The following SLC24A2 variants were observed in gnomAD, a reference collection of about 807,000 sequenced individuals.
SLC24A2 encodes sodium/potassium/calcium exchanger 2.
In SLC24A2, 36 loss-of-function variants were observed where a neutral mutation model predicts 62.0. The observed-to-expected ratio is 0.58, with a 90% CI of 0.44 to 0.77. The LOEUF (loss-of-function observed/expected upper bound fraction) is 0.77. Among genes scored for constraint, SLC24A2 ranks in the 30% least tolerant of loss-of-function variants. SLC24A2 has a pLI of 0.00. For synonymous variants in SLC24A2, 358 were observed against 294.0 expected (o/e 1.22, Z -2.23); for missense variants, 846 against 817.9 (o/e 1.03, Z -0.42).
chr9:19,962,367 A>T, the SLC24A2 span, among the ~76,000 whole-genome samples: 2 of 152,182 alleles, frequency 1.3e-5, no homozygotes, highest in East Asian at 1.9e-4. Context: ...GTTCCATATG[A>T]ACTTTAAAGT....
Position 19,786,612 on chromosome 9 carries a change from T to C in SLC24A2, c.255A>G (p.Arg85=), listed in dbSNP as rs771915254. The change falls in exon 2 of 11, where the codon AGA becomes AGG. Residue 85 remains arginine (R), a synonymous_variant. Transcript: ENST00000341998. The surrounding 1 kb of genome is among the most constrained non-coding windows in gnomAD (Gnocchi z 5.0). ...GPRVAQGYHQ[R]TLLDLNDKIL... ...TCTTGTCATTTAAATCTAAGAGAGT[T>C]CTCTGATGGTAACCCTGTGCTACCC... 28 of 1,614,008 alleles carry C rather than the reference T, an allele frequency of 1.7e-5. No homozygotes were observed. Among genetic ancestry groups the C allele is most frequent in the South Asian group, 1.1e-4 (10 of 91,084 alleles).
At chr9:19,716,149 A>G (rs147890234) in intron 2 of SLC24A2, among the ~76,000 whole-genome samples, 31 of 152,178 alleles carry the variant, frequency 2.0e-4, no homozygotes, top group Admixed American at 6.5e-4. Context: ...AAGTCACTCT[A>G]TGTTTTCTTT....
chr9:20,305,678 G>A, the SLC24A2 span, among the ~76,000 whole-genome samples: 10 of 152,264 alleles, frequency 6.6e-5, no homozygotes, highest in South Asian at 2.1e-4. Flanking sequence ...ATAACTCTGC[G>A]AAGTCAATAG....
chr9:19,809,886 T>C, the SLC24A2 span, among the ~76,000 whole-genome samples: 2 of 152,132 alleles, frequency 1.3e-5, no homozygotes, highest in Non-Finnish European at 1.5e-5. Context: ...ACTTTCTCTT[T>C]TCTTTTACCT....
the SLC24A2 span, among the ~76,000 whole-genome samples, chr9:20,056,660 A>G: frequency 2.0e-5 from 3 of 152,164 alleles, no homozygotes; most frequent in East Asian, 3.8e-4. Context: ...ACCTTTCACT[A>G]TTGCATCTGC....
At chr9:20,161,309 A>G in the SLC24A2 span, among the ~76,000 whole-genome samples, 16 of 151,582 alleles carry the variant, frequency 1.1e-4, no homozygotes, top group East Asian at 1.8e-3. Context: ...AGATCTTTAA[A>G]GACGAGATAA....
intron 8 of SLC24A2, among the ~76,000 whole-genome samples, chr9:19,539,591 C>G (rs1331055926): frequency 4.8e-5 from 4 of 82,494 alleles, no homozygotes; most frequent in Admixed American, 1.4e-4. Context: ...AATTTCTGTT[C>G]TTTTACATTT....
chr9:19,691,182 G>A (rs958250229), intron 2 of SLC24A2, among the ~76,000 whole-genome samples: 4 of 152,098 alleles, frequency 2.6e-5, no homozygotes, highest in African/African-American at 7.2e-5. Context: ...AATATAGGAT[G>A]CACCTGCATG....
chr9:20,007,879 C>CTTTTTTTTTTTT, the SLC24A2 span, among the ~76,000 whole-genome samples: 3 of 39,510 alleles, frequency 7.6e-5, no homozygotes, highest in African/African-American at 3.3e-4. Flanking sequence ...TTACTCCTCT[C>CTTTTTTTTTTTT]TTTTTTTTTT....
chr9:20,058,029 T>C, the SLC24A2 span, among the ~76,000 whole-genome samples: 1 of 152,152 alleles, frequency 6.6e-6, no homozygotes, highest in Non-Finnish European at 1.5e-5. Flanking sequence ...AACTTTAAAA[T>C]AAAGCCTAAC....
chr9:19,710,167 A>C (rs1040627112), intron 2 of SLC24A2, among the ~76,000 whole-genome samples: 3 of 152,144 alleles, frequency 2.0e-5, no homozygotes, highest in African/African-American at 7.2e-5. Context: ...AAGCCCTAGC[A>C]CTCTGAAAAA....
chr9:20,111,495 C>T, the SLC24A2 span, among the ~76,000 whole-genome samples: 2 of 152,272 alleles, frequency 1.3e-5, no homozygotes, highest in African/African-American at 4.8e-5. Flanking sequence ...AATCTCTTCT[C>T]AAATTTCCAA....
At chr9:20,260,849 C>CTTTTTTTTT in the SLC24A2 span, among the ~76,000 whole-genome samples, 10 of 90,262 alleles carry the variant, frequency 1.1e-4, no homozygotes, top group South Asian at 1.6e-3. Context: ...ATCATTCTTT[C>CTTTTTTTTT]TTTTTTTTTT....
chr9:20,234,615 G>C, the SLC24A2 span, among the ~76,000 whole-genome samples: 1 of 152,168 alleles, frequency 6.6e-6, no homozygotes, highest in Non-Finnish European at 1.5e-5. Context: ...GGTTATTCTA[G>C]TTATCCATTA....
intron 2 of SLC24A2, among the ~76,000 whole-genome samples, chr9:19,655,760 C>T (rs573530750): frequency 6.6e-6 from 1 of 152,206 alleles, no homozygotes; most frequent in South Asian, 2.1e-4. Flanking sequence ...TTTCAACTCC[C>T]CTGCCACTTA....
the SLC24A2 span, among the ~76,000 whole-genome samples, chr9:20,097,782 A>G: frequency 6.4e-5 from 7 of 109,776 alleles, no homozygotes; most frequent in Admixed American, 1.4e-4. Context: ...TTGCTCTGTC[A>G]CCCAGGCTGG....
upstream of SLC24A2, among the ~76,000 whole-genome samples, chr9:19,793,315 A>G (rs1363983050): frequency 6.6e-6 from 1 of 152,218 alleles, no homozygotes; most frequent in Non-Finnish European, 1.5e-5. Flanking sequence ...GAACACTGCC[A>G]TTTGCTGTTG....
Position 19,702,065 on chromosome 9 carries a change from G to A in SLC24A2, c.931-79766C>T, listed in dbSNP as rs187222376. Among the ~76,000 whole-genome samples, 32 of 152,192 alleles carry A rather than the reference G, an allele frequency of 2.1e-4. 1 individual carries two copies. The highest frequency in any genetic ancestry group is 7.0e-4 in the African/African-American group (29 of 41,538). On this transcript the variant is annotated intron_variant, in intron 2 of 10. Coordinates refer to ENST00000341998, the MANE Select transcript of SLC24A2 (RefSeq NM_020344.4). The stretch of plus-strand genomic sequence containing the variant: ...CTAATCACTTAATCTCTCTCTGACC[G>A]ATTTTATTTCTTCATGTAAAGACAG...
chr9:20,281,471 T>C, the SLC24A2 span, among the ~76,000 whole-genome samples: 1 of 152,172 alleles, frequency 6.6e-6, no homozygotes, highest in East Asian at 1.9e-4. Flanking sequence ...CCATGTACTC[T>C]TTTCTCGGTC....
Sources: allele counts gnomAD v4.1 joint callset (sites outside exome capture counted in the v4.1 genomes callset), GRCh38; gene constraint gnomAD v4.1.1; non-coding constraint Gnocchi (gnomAD v3.1); transcripts MANE v1.5; gene names NCBI Gene and HGNC (gene_info 2026-07-23, HGNC 2026-07-21).